TMEM232: variants seen among roughly 807,000 people sequenced by gnomAD.
TMEM232 encodes the protein transmembrane protein 232.
A neutral mutation model predicts 78.8 loss-of-function variants in TMEM232; 80 were observed. The ratio of observed to expected loss-of-function variants is 1.01; its 90% CI spans 0.85 to 1.22. TMEM232 has a LOEUF of 1.22. Among genes scored for constraint, TMEM232 ranks in the 50% most tolerant of loss-of-function variants. The pLI is 0.00. For missense variants in TMEM232, 881 were observed against 742.2 expected (o/e 1.19, Z -2.17); for synonymous variants, 297 against 254.3 (o/e 1.17, Z -1.60).
At chr5:110,569,429 A>G (rs1266282080) in intron 10 of TMEM232, among the ~76,000 whole-genome samples, 1 of 151,918 alleles carries the variant, frequency 6.6e-6, no homozygotes, top group East Asian at 1.9e-4. Flanking sequence ...TGGGGAATAA[A>G]ATAATACAGT....
At chr5:110,636,298 T>C (rs902306808) in intron 5 of TMEM232, among the ~76,000 whole-genome samples, 3 of 151,668 alleles carry the variant, frequency 2.0e-5, no homozygotes, top group Admixed American at 6.6e-5. Flanking sequence ...TAAAGAGAAG[T>C]TGGTTAATGG....
chr5:110,511,402 C>T (rs913652686), intron 12 of TMEM232, among the ~76,000 whole-genome samples: 2 of 151,414 alleles, frequency 1.3e-5, no homozygotes, highest in Non-Finnish European at 2.9e-5. Flanking sequence ...TGTAACAAAC[C>T]TGCACGCTCT....
At chr5:110,447,037 T>C (rs914909851) in intron 12 of TMEM232, among the ~76,000 whole-genome samples, 12 of 151,872 alleles carry the variant, frequency 7.9e-5, no homozygotes, top group African/African-American at 2.9e-4. Flanking sequence ...CAGACCTCCC[T>C]CTGTAACTGT....
chr5:110,514,968 A>G (rs1768384836), intron 12 of TMEM232, among the ~76,000 whole-genome samples: 1 of 152,242 alleles, frequency 6.6e-6, no homozygotes, highest in African/African-American at 2.4e-5. Context: ...AATTGTTTGA[A>G]CATATTTTTA....
At chr5:110,490,388 A>C (rs1266668958) in intron 12 of TMEM232, among the ~76,000 whole-genome samples, 1 of 152,162 alleles carries the variant, frequency 6.6e-6, no homozygotes, top group Non-Finnish European at 1.5e-5. Context: ...ATGAAAAGAC[A>C]TTCTGTATTT....
intron 12 of TMEM232, among the ~76,000 whole-genome samples, chr5:110,503,166 T>C (rs1766462391): frequency 6.6e-6 from 1 of 152,216 alleles, no homozygotes; most frequent in Non-Finnish European, 1.5e-5. Context: ...ACAGCTAGAC[T>C]GTCTTGTCTC....
At position 110,605,282 on chromosome 5, in the gene TMEM232, A is replaced by T; in HGVS notation, c.1103T>A (p.Ile368Asn). ...VYIYTVILAEICLYAATSDLR... is the reference protein window; with the variant it reads ...VYIYTVILAENCLYAATSDLR... ...ATCAGAAGTGGCTGCATACAAGCAGATTTCTGCAAGAATTACTGTATATAT... is the reference window on the plus strand; with the variant it reads ...ATCAGAAGTGGCTGCATACAAGCAGTTTTCTGCAAGAATTACTGTATATAT... Residue 368 changes from isoleucine to asparagine, a missense_variant, in exon 10 of 14, where the codon ATC (isoleucine) becomes AAC (asparagine). Transcript: ENST00000455884. The T allele has an allele frequency of 2.6e-6, 4 of 1,551,410 alleles. No homozygotes were observed. Among genetic ancestry groups the T allele is most frequent in the Middle Eastern group, 3.3e-4 (2 of 5,986 alleles).
chr5:110,552,986 T>C (rs1301934667), intron 11 of TMEM232, among the ~76,000 whole-genome samples: 1 of 152,160 alleles, frequency 6.6e-6, no homozygotes, highest in African/African-American at 2.4e-5. Context: ...GCACCACTTA[T>C]TGAATAGGGA....
At chr5:110,463,595 TTTC>T (rs1279928549) in intron 12 of TMEM232, among the ~76,000 whole-genome samples, 1 of 152,204 alleles carries the variant, frequency 6.6e-6, no homozygotes, top group African/African-American at 2.4e-5. Flanking sequence ...AATTCCGGCT[TTTC>T]TTCTTTTCTC....
chr5:110,509,879 A>G (rs1767513991), intron 12 of TMEM232, among the ~76,000 whole-genome samples: 1 of 152,130 alleles, frequency 6.6e-6, no homozygotes, highest in Non-Finnish European at 1.5e-5. Context: ...ATCTCCATAC[A>G]CTTAAAATAT....
At chr5:110,529,502 T>C (rs1477909580) in intron 11 of TMEM232, among the ~76,000 whole-genome samples, 1 of 152,054 alleles carries the variant, frequency 6.6e-6, no homozygotes, top group African/African-American at 2.4e-5. Flanking sequence ...CTGCCTCAGC[T>C]TCCCAAAGTG....
intron 11 of TMEM232, among the ~76,000 whole-genome samples, chr5:110,534,734 A>G (rs2149552631): frequency 6.6e-6 from 1 of 152,308 alleles, no homozygotes; most frequent in South Asian, 2.1e-4. Flanking sequence ...AAGTAAATAA[A>G]TAATCTTTGC....
intron 11 of TMEM232, among the ~76,000 whole-genome samples, chr5:110,535,850 G>A (rs983742471): frequency 6.6e-6 from 1 of 152,108 alleles, no homozygotes; most frequent in Admixed American, 6.5e-5. Context: ...ACCTAAAGCC[G>A]ATTCTCACTG....
chr5:110,688,359 A>AGAT (rs1004543785), intron 1 of TMEM232, among the ~76,000 whole-genome samples: 1 of 152,228 alleles, frequency 6.6e-6, no homozygotes, highest in Non-Finnish European at 1.5e-5. Context: ...CTTGTTGAAG[A>AGAT]GATGACAGTA....
At chr5:110,700,381 T>C (rs957571762) in intron 1 of TMEM232, among the ~76,000 whole-genome samples, 1 of 151,998 alleles carries the variant, frequency 6.6e-6, no homozygotes, top group Non-Finnish European at 1.5e-5. Context: ...CCAAATAAAT[T>C]GGGATTGCGT....
chr5:110,469,955 T>C (rs1432543379), intron 12 of TMEM232, among the ~76,000 whole-genome samples: 1 of 151,788 alleles, frequency 6.6e-6, no homozygotes, highest in African/African-American at 2.4e-5. Context: ...AAGAGTGGAG[T>C]CATTACTGTG....
intron 12 of TMEM232, among the ~76,000 whole-genome samples, chr5:110,516,146 G>A (rs1411301926): frequency 6.6e-6 from 1 of 152,086 alleles, no homozygotes; most frequent in Non-Finnish European, 1.5e-5. Context: ...GGCTGACGCA[G>A]GAGAACGGCG....
intron 1 of TMEM232, among the ~76,000 whole-genome samples, chr5:110,695,372 G>A (rs1001389161): frequency 6.6e-6 from 1 of 151,982 alleles, no homozygotes; most frequent in African/African-American, 2.4e-5. Context: ...AATTGACACG[G>A]TAACATCACA....
chr5:110,416,247 A>G (rs1030586785), downstream of TMEM232, among the ~76,000 whole-genome samples: 30 of 152,218 alleles, frequency 2.0e-4, no homozygotes, highest in African/African-American at 6.3e-4. Flanking sequence ...TGAGGTTGAG[A>G]AGTACTGTGT....
Sources: allele counts gnomAD v4.1 joint callset (sites outside exome capture counted in the v4.1 genomes callset), GRCh38; gene constraint gnomAD v4.1.1; transcripts MANE v1.5; gene names NCBI Gene and HGNC (gene_info 2026-07-23, HGNC 2026-07-21).